TENM1: variants seen among roughly 807,000 people sequenced by gnomAD.
The protein encoded by TENM1 is teneurin-1.
A neutral mutation model predicts 174.8 loss-of-function variants in TENM1; 35 were observed. The ratio of observed to expected loss-of-function variants is 0.20; its 90% CI spans 0.15 to 0.27. TENM1 has a LOEUF of 0.27. Among genes scored for constraint, TENM1 ranks in the 10% least tolerant of loss-of-function variants. The probability of loss-of-function intolerance (pLI) is 1.00; values close to 1 mark genes in which losing one functional copy is unlikely to be tolerated. For synonymous variants in TENM1, 781 were observed against 798.7 expected (o/e 0.98, Z 0.37); for missense variants, 1,633 against 2,130.1 (o/e 0.77, Z 4.59).
At chrX:125,022,252 T>G in the TENM1 span, among the ~76,000 whole-genome samples, 1 of 111,955 alleles carries the variant, frequency 8.9e-6, no homozygotes, top group Non-Finnish European at 1.9e-5. Flanking sequence ...CATAGGTTTT[T>G]CAAGGAAACT....
intron 19 of TENM1, among the ~76,000 whole-genome samples, chrX:124,503,306 T>C (rs1338457636): frequency 1.8e-5 from 2 of 111,029 alleles, no homozygotes; most frequent in Non-Finnish European, 3.8e-5. Flanking sequence ...TCCTGATTTG[T>C]TTAACATTTA....
At chrX:124,716,723 G>C (rs188355079) in intron 4 of TENM1, among the ~76,000 whole-genome samples, 1 of 111,829 alleles carries the variant, frequency 8.9e-6, no homozygotes, top group Admixed American at 9.5e-5. Context: ...TGCACATCAA[G>C]AGACAAAAAT....
chrX:124,757,938 A>T (rs2054308182), intron 3 of TENM1, among the ~76,000 whole-genome samples: 1 of 112,476 alleles, frequency 8.9e-6, no homozygotes, highest in African/African-American at 3.2e-5. Flanking sequence ...ACATTTTAAC[A>T]GAAGTTTGTT....
At chrX:125,148,705 T>G in the TENM1 span, among the ~76,000 whole-genome samples, 1 of 111,883 alleles carries the variant, frequency 8.9e-6, no homozygotes, top group Non-Finnish European at 1.9e-5. Context: ...TTCTCCTGTG[T>G]TCCTGTTCGT....
intron 3 of TENM1, among the ~76,000 whole-genome samples, chrX:124,893,438 T>C (rs2057508643): frequency 1.8e-5 from 2 of 112,676 alleles, no homozygotes; most frequent in African/African-American, 6.4e-5. Flanking sequence ...GGGATAAAGA[T>C]ATGAAAAGTG....
In TENM1 at chrX:124,788,296, G is replaced by C. The variant is rs780500999; in HGVS notation, c.536-51099C>G. On this transcript the variant is annotated intron_variant, in intron 3 of 31. Transcript: ENST00000422452. ...CTCCTATAACACACGGAAATTATGG[G>C]AGCTACAATATGAGATTTGGGTGGG... is the stretch of plus-strand genomic sequence containing the variant. Among the ~76,000 whole-genome samples, 10 of 110,989 alleles carry C rather than the reference G, an allele frequency of 9.0e-5. No homozygotes were observed. The South Asian group carries it at 3.9e-3, about 43-fold the overall frequency.
the TENM1 span, among the ~76,000 whole-genome samples, chrX:124,989,569 G>A: frequency 9.0e-6 from 1 of 110,656 alleles, no homozygotes; most frequent in Non-Finnish European, 1.9e-5. Flanking sequence ...AAAAAATCTT[G>A]ACAAAGAATA....
chrX:124,418,864 T>G (rs954434444), intron 25 of TENM1, among the ~76,000 whole-genome samples: 1 of 112,142 alleles, frequency 8.9e-6, no homozygotes, highest in Non-Finnish European at 1.9e-5. Flanking sequence ...AAATTTTATC[T>G]TTTCTAAGGG....
At chrX:124,645,369 T>A in intron 9 of TENM1, 32 bp from the exon 13 acceptor site, 1 of 1,154,337 alleles carries the variant, frequency 8.7e-7, no homozygotes, top group Non-Finnish European at 1.2e-6. Context: ...TGTAATGTTC[T>A]CATAATGCTT....
intron 3 of TENM1, among the ~76,000 whole-genome samples, chrX:124,856,939 G>A (rs1440255000): frequency 9.9e-5 from 11 of 111,448 alleles, no homozygotes; most frequent in Non-Finnish European, 2.1e-4. Context: ...ACTAGAATAG[G>A]ATAGGCTATC....
chrX:124,820,701 C>T (rs923341969), intron 3 of TENM1, among the ~76,000 whole-genome samples: 1 of 111,870 alleles, frequency 8.9e-6, no homozygotes, highest in Non-Finnish European at 1.9e-5. Flanking sequence ...CTGTTAGGGG[C>T]CATAATCCAC....
At chrX:124,707,482 T>G (rs959006002) in intron 4 of TENM1, among the ~76,000 whole-genome samples, 1 of 111,367 alleles carries the variant, frequency 9.0e-6, no homozygotes, top group Non-Finnish European at 1.9e-5. Flanking sequence ...AGACCCTGAA[T>G]AATAGGATTT....
chrX:124,449,334 G>T (rs1469530483), intron 23 of TENM1, among the ~76,000 whole-genome samples: 1 of 112,141 alleles, frequency 8.9e-6, no homozygotes, highest in Non-Finnish European at 1.9e-5. Flanking sequence ...TCAGTGGGCT[G>T]CATTGTATTT....
chrX:124,495,671 A>G (rs1457069677), intron 20 of TENM1, among the ~76,000 whole-genome samples: 1 of 108,532 alleles, frequency 9.2e-6, no homozygotes, highest in Non-Finnish European at 1.9e-5. Context: ...AGGGATGTGA[A>G]GGACCTCTTC....
intron 29 of TENM1, among the ~76,000 whole-genome samples, chrX:124,385,406 G>A (rs2060207485): frequency 8.9e-6 from 1 of 112,349 alleles, no homozygotes; most frequent in African/African-American, 3.2e-5. Context: ...ATTTGGTGCT[G>A]AGCAGGAATG....
intron 3 of TENM1, among the ~76,000 whole-genome samples, chrX:124,852,437 TAG>T (rs2056737915): frequency 9.1e-6 from 1 of 109,820 alleles, no homozygotes. Context: ...AATTAGGAAG[TAG>T]AGTTATTAGA....
chrX:125,150,299 T>C, the TENM1 span, among the ~76,000 whole-genome samples: 66 of 111,979 alleles, frequency 5.9e-4, no homozygotes, highest in Non-Finnish European at 2.4e-4. Flanking sequence ...AGGTAGGGCT[T>C]AGTCAAAACT....
intron 3 of TENM1, among the ~76,000 whole-genome samples, chrX:124,865,814 A>T (rs974644356): frequency 8.9e-6 from 1 of 111,906 alleles, no homozygotes; most frequent in African/African-American, 3.2e-5. Flanking sequence ...GAATGGAAAA[A>T]GATATTACAT....
At chrX:124,965,269 C>A (rs963192740), upstream of TENM1, among the ~76,000 whole-genome samples, 2 of 111,023 alleles carry the variant, frequency 1.8e-5, no homozygotes, top group African/African-American at 6.6e-5. Context: ...TTAGTAGAGA[C>A]GGGATTTCAC....
Sources: allele counts gnomAD v4.1 joint callset (sites outside exome capture counted in the v4.1 genomes callset), GRCh38; gene constraint gnomAD v4.1.1; transcripts MANE v1.5; gene names NCBI Gene and HGNC (gene_info 2026-07-23, HGNC 2026-07-21).